TENM4: variants seen among roughly 807,000 people sequenced by gnomAD.
TENM4 encodes teneurin transmembrane protein 4.
Under a neutral mutation model 243.3 loss-of-function variants are expected in TENM4, and 82 were observed. The ratio of observed to expected loss-of-function variants is 0.34; its 90% confidence interval spans 0.28 to 0.40. The LOEUF is 0.40. Ranked by LOEUF, TENM4 falls within the 10% of genes least tolerant of loss-of-function variation. The probability of loss-of-function intolerance (pLI) is 1.00; values close to 1 mark genes in which losing one functional copy is unlikely to be tolerated. For missense variants in TENM4, 3,138 were observed against 3,673.3 expected, an observed-to-expected ratio of 0.85 and a Z score of 3.77; for synonymous variants, 1,412 against 1,456.3, an observed-to-expected ratio of 0.97 and a Z score of 0.69.
intron 7 of TENM4, among the ~76,000 whole-genome samples, chr11:78,891,948 C>G (rs1322674799): frequency 6.6e-6 from 1 of 152,162 alleles, no homozygotes; most frequent in African/African-American, 2.4e-5. Context: ...TTGCTGAGGC[C>G]CATCCCTAGG....
At chr11:79,369,397 A>G (rs373778729) in intron 1 of TENM4, among the ~76,000 whole-genome samples, 2 of 152,282 alleles carry the variant, frequency 1.3e-5, no homozygotes, top group South Asian at 4.2e-4. Context: ...AGCATGATTA[A>G]CACTGCTTTC....
At chr11:78,794,497 A>C (rs766350760) in intron 15 of TENM4, among the ~76,000 whole-genome samples, 3 of 152,228 alleles carry the variant, frequency 2.0e-5, no homozygotes, top group Non-Finnish European at 4.4e-5. Flanking sequence ...GGCGAATGAG[A>C]GCGAGAACTC....
rs149105604 is a variant in TENM4, at chr11:79,073,420, T to A, written c.-65-3411A>T. ...TGTCTGCCTCTCCCCTTGACTACGG[T>A]TCCTTGAGGGTAGGTAGGCTTGGTA... On this transcript the variant is annotated intron_variant, in intron 4 of 33. Coordinates refer to ENST00000278550, the MANE Select transcript of TENM4 (RefSeq NM_001098816.3). 4.2e-3 allele frequency among the ~76,000 whole-genome samples: 632 copies of A among 152,246 alleles called. 4 individuals carry two copies. Among genetic ancestry groups the A allele is most frequent in the Non-Finnish European group, 7.3e-3 (497 of 68,004 alleles).
chr11:78,830,233 C>T (rs1420919832), intron 12 of TENM4, among the ~76,000 whole-genome samples: 8 of 152,180 alleles, frequency 5.3e-5, no homozygotes, highest in Non-Finnish European at 1.5e-5. Context: ...TCATACTGGC[C>T]AATGTCTGGC....
intron 4 of TENM4, among the ~76,000 whole-genome samples, chr11:79,137,965 A>T (rs1862143534): frequency 1.3e-5 from 2 of 151,996 alleles, no homozygotes; most frequent in South Asian, 4.1e-4. Context: ...GGATTGAAGG[A>T]TACAAAGTAC....
At chr11:78,868,076 TA>T (rs10699998) in intron 9 of TENM4, among the ~76,000 whole-genome samples, 7 of 134,874 alleles carry the variant, frequency 5.2e-5, no homozygotes, top group South Asian at 2.4e-4. Context: ...AGCCACAGAT[TA>T]AAAAAAAAAA....
intron 1 of TENM4, among the ~76,000 whole-genome samples, chr11:79,325,476 G>A (rs1856958462): frequency 6.6e-6 from 1 of 152,174 alleles, no homozygotes; most frequent in South Asian, 2.1e-4. Context: ...TGCCCCACTG[G>A]TATAACCTTG....
intron 2 of TENM4, among the ~76,000 whole-genome samples, chr11:79,257,510 C>T (rs938827029): frequency 6.6e-6 from 1 of 152,046 alleles, no homozygotes; most frequent in Non-Finnish European, 1.5e-5. Context: ...GAAACAATGG[C>T]CAGCAAATAC....
chr11:78,891,217 G>A (rs1230497204), intron 8 of TENM4, 21 bp downstream of exon 8: 1 of 1,549,994 alleles, frequency 6.5e-7, no homozygotes, highest in South Asian at 1.2e-5. Flanking sequence ...ACACAGAGAG[G>A]AGAATGGGGA....
chr11:78,832,391 C>G (rs970104281), intron 12 of TENM4, among the ~76,000 whole-genome samples: 3 of 152,378 alleles, frequency 2.0e-5, no homozygotes, highest in Admixed American at 2.0e-4. Context: ...GGACCTCAGA[C>G]TTGCACTGCC....
At chr11:78,881,786 G>A (rs771469329) in intron 9 of TENM4, among the ~76,000 whole-genome samples, 1 of 152,210 alleles carries the variant, frequency 6.6e-6, no homozygotes, top group South Asian at 2.1e-4. Flanking sequence ...CCTGCAGAGC[G>A]AGTTGGTCCC....
intron 20 of TENM4, among the ~76,000 whole-genome samples, chr11:78,737,462 T>C (rs1855827177): frequency 6.6e-6 from 1 of 152,222 alleles, no homozygotes; most frequent in Admixed American, 6.5e-5. Context: ...TACTTCATTA[T>C]CACCTCGGCC....
chr11:79,263,091 C>T (rs369238436), intron 2 of TENM4, among the ~76,000 whole-genome samples: 4 of 152,296 alleles, frequency 2.6e-5, no homozygotes, highest in African/African-American at 9.6e-5. Context: ...CATTAACTCC[C>T]GTGTCTCTCC....
At chr11:79,239,403 A>C (rs1864546022) in intron 2 of TENM4, among the ~76,000 whole-genome samples, 2 of 152,234 alleles carry the variant, frequency 1.3e-5, no homozygotes, top group Non-Finnish European at 2.9e-5. Flanking sequence ...GGCTCATTTA[A>C]TCTTCCCAAG....
At chr11:79,017,772 C>A (rs76463246) in intron 6 of TENM4, among the ~76,000 whole-genome samples, 1,663 of 152,306 alleles carry the variant, frequency 0.011, 18 homozygotes, top group African/African-American at 0.029. Flanking sequence ...TCTTGAAATG[C>A]GGCACAGGCT....
chr11:78,742,462 T>C (rs1323173043), intron 19 of TENM4, among the ~76,000 whole-genome samples: 1 of 152,136 alleles, frequency 6.6e-6, no homozygotes, highest in South Asian at 2.1e-4. Flanking sequence ...GTTCCAGAAA[T>C]GTATGAATTA....
chr11:78,688,164 C>A lies in TENM4; in HGVS notation c.5150G>T (p.Arg1717Leu), dbSNP rs761735333. The change falls in exon 29 of 34, where the codon CGA becomes CTA. Residue 1717 changes from arginine to leucine, a missense_variant. Physicochemically the swap from Arg to Leu is moderately radical, Grantham distance 102. This residue lies in a region of TENM4 where 2,467 missense variants were observed against 3,059.1 expected (regional missense o/e 0.81). Transcript: ENST00000278550. ...ATGCACTGAACTGTCTGTATCACTT[C>A]GGAAACTGCTCACCTGGCCAGTAGG... is the stretch of plus-strand genomic sequence containing the variant. ...TFPTGQVSSF[R>L]SDTDSSVHVQ... 1 of 1,613,726 alleles carries A rather than the reference C, an allele frequency of 6.2e-7. No individual in the cohort carries two copies. The highest frequency in any genetic ancestry group is 8.5e-7 in the Non-Finnish European group (1 of 1,179,836).
intron 1 of TENM4, among the ~76,000 whole-genome samples, chr11:79,348,834 A>T (rs1857370833): frequency 6.6e-6 from 1 of 152,232 alleles, no homozygotes; most frequent in African/African-American, 2.4e-5. Context: ...CAGTTTCCTC[A>T]TCCAGAAAAT....
chr11:79,409,170 A>C (rs1415293143), intron 1 of TENM4, among the ~76,000 whole-genome samples: 1 of 151,274 alleles, frequency 6.6e-6, no homozygotes, highest in East Asian at 2.0e-4. Context: ...TAAGCTGTAG[A>C]GATAAATTTT....
Sources: gnomAD v4.1 joint callset for allele counts (sites outside exome capture counted in the v4.1 genomes callset) on GRCh38, gnomAD v4.1.1 for gene constraint, gnomAD v4.1.1 regional missense constraint, MANE v1.5 for transcripts, NCBI Gene and HGNC (gene_info 2026-07-23, HGNC 2026-07-21) for gene names.